Variants in GFRA1 observed in about 807,000 individuals in gnomAD.
GFRA1 encodes the protein GDNF family receptor alpha-1.
GFRA1 carries 16 observed loss-of-function variants against 51.6 expected under a neutral mutation model. That is an observed-to-expected ratio of 0.31 (90% CI 0.21 to 0.47). GFRA1 has a LOEUF of 0.47. Among genes scored for constraint, GFRA1 ranks in the 20% least tolerant of loss-of-function variants. The probability of loss-of-function intolerance (pLI) is 1.00; values close to 1 mark genes in which losing one functional copy is unlikely to be tolerated. For missense variants in GFRA1, 530 were observed against 594.3 expected (o/e 0.89, Z 1.13); for synonymous variants, 270 against 241.3 (o/e 1.12, Z -1.10).
At chr10:116,110,089 G>C (rs1018399198) in intron 6 of GFRA1, among the ~76,000 whole-genome samples, 5 of 152,238 alleles carry the variant, frequency 3.3e-5, no homozygotes, top group African/African-American at 1.2e-4. Context: ...AGGCAGGGAT[G>C]CAGCAGGTGT....
intron 4 of GFRA1, among the ~76,000 whole-genome samples, chr10:116,243,206 A>G (rs1453634396): frequency 2.0e-5 from 3 of 152,214 alleles, no homozygotes; most frequent in Admixed American, 6.5e-5. Flanking sequence ...ACTAACTCCA[A>G]TGCAGCCCCA....
At chr10:116,192,458 C>T (rs1565640130) in intron 5 of GFRA1, among the ~76,000 whole-genome samples, 3 of 152,312 alleles carry the variant, frequency 2.0e-5, no homozygotes, top group South Asian at 4.2e-4. Flanking sequence ...AGAGGCCCCA[C>T]TTTCGGGGTC....
At chr10:116,112,350 G>A (rs572162352) in intron 6 of GFRA1, among the ~76,000 whole-genome samples, 43 of 152,202 alleles carry the variant, frequency 2.8e-4, no homozygotes, top group African/African-American at 8.7e-4. Context: ...CCAGCTTGCC[G>A]GCTTTTCCGA....
chr10:116,133,164 C>A (rs1958176961), intron 5 of GFRA1, among the ~76,000 whole-genome samples: 1 of 152,126 alleles, frequency 6.6e-6, no homozygotes, highest in African/African-American at 2.4e-5. Context: ...TGGGGGAGTG[C>A]ATATGCGAGT....
At chr10:116,114,367 G>A (rs1016059793) in intron 6 of GFRA1, among the ~76,000 whole-genome samples, 2 of 152,160 alleles carry the variant, frequency 1.3e-5, no homozygotes, top group African/African-American at 4.8e-5. Flanking sequence ...AAATGTTCTT[G>A]AGATGACACA....
At chr10:116,087,901 G>A (rs1252615175) in intron 9 of GFRA1, among the ~76,000 whole-genome samples, 1 of 152,170 alleles carries the variant, frequency 6.6e-6, no homozygotes, top group Non-Finnish European at 1.5e-5. Flanking sequence ...GCAGTTCCAC[G>A]CCATAGTATT....
intron 5 of GFRA1, among the ~76,000 whole-genome samples, chr10:116,169,272 T>C (rs1017857804): frequency 3.3e-5 from 5 of 152,370 alleles, no homozygotes; most frequent in Non-Finnish European, 5.9e-5. Context: ...AGATCTTAAA[T>C]GTTAAAACAT....
intron 4 of GFRA1, among the ~76,000 whole-genome samples, chr10:116,262,135 A>G (rs1398364768): frequency 6.6e-6 from 1 of 152,232 alleles, no homozygotes; most frequent in African/African-American, 2.4e-5. Context: ...GACTAAGAAG[A>G]AGGAATGAGG....
intron 9 of GFRA1, among the ~76,000 whole-genome samples, chr10:116,077,749 A>C (rs909040751): frequency 2.0e-5 from 3 of 152,230 alleles, no homozygotes; most frequent in African/African-American, 7.2e-5. Context: ...GAAGCTGGCA[A>C]TATGATAACA....
intron 9 of GFRA1, 55 bp from the exon 10 acceptor site, chr10:116,065,681 G>A (rs1955073020): frequency 7.2e-7 from 1 of 1,393,658 alleles, no homozygotes; most frequent in Non-Finnish European, 1.0e-6. Context: ...AGTAATTACT[G>A]ATGATCCATC....
intron 9 of GFRA1, among the ~76,000 whole-genome samples, chr10:116,073,897 T>C (rs1039403238): frequency 6.6e-6 from 1 of 152,180 alleles, no homozygotes; most frequent in Non-Finnish European, 1.5e-5. Context: ...ACCAGGGGCT[T>C]TTGTTCATCC....
intron 4 of GFRA1, among the ~76,000 whole-genome samples, chr10:116,225,143 T>C (rs1379684792): frequency 1.3e-5 from 2 of 152,152 alleles, no homozygotes; most frequent in East Asian, 1.9e-4. Flanking sequence ...AATTGTAATA[T>C]GATCTAAGTA....
Position 116,096,680 on chromosome 10 carries a change from G to A in GFRA1, c.855C>T (p.Cys285=). ...SSCLKENYAD[C]LLAYSGLIGT... ...CAATAAGCCCCGAGTAGGCGAGGAG[G>A]CAGTCAGCGTAGTTTTCCTTTAGAC... The change falls in exon 7 of 11, where the codon TGC becomes TGT. Residue 285 remains cysteine (C), a synonymous_variant. Coordinates refer to ENST00000355422, the MANE Select transcript of GFRA1 (RefSeq NM_005264.8). 1 of 1,604,092 alleles carries A rather than the reference G, an allele frequency of 6.2e-7. No homozygotes were observed. The highest frequency in any genetic ancestry group is 8.5e-7 in the Non-Finnish European group (1 of 1,171,174).
intron 5 of GFRA1, among the ~76,000 whole-genome samples, chr10:116,158,720 C>G (rs1349358471): frequency 6.6e-6 from 1 of 152,222 alleles, no homozygotes; most frequent in East Asian, 1.9e-4. Context: ...GAGATTCTCC[C>G]CACTGCAAGA....
chr10:116,272,330 C>G lies in GFRA1; in HGVS notation c.-246-55G>C, dbSNP rs965417862. The G allele has an allele frequency of 2.3e-5, 12 of 522,582 alleles. No homozygotes were observed. The highest frequency in any genetic ancestry group is 2.0e-4 in the East Asian group (6 of 29,646). The allele number at this position is 522,582 out of a possible 1,614,324, so 32.4% of individuals were successfully genotyped here. A position where few individuals can be genotyped will look rare whatever the true frequency, so the allele number is the denominator to read the frequency against. On this transcript the variant is annotated intron_variant, in intron 1 of 10. Coordinates refer to ENST00000355422, the MANE Select transcript of GFRA1 (RefSeq NM_005264.8). The surrounding 1 kb of genome is among the most constrained non-coding windows in gnomAD (Gnocchi z 4.4). ...AGCGGAGAGCGCCGGAGACTCCCCCCACAGAACCCTCTCCCCTCCCCCGTT... is the reference window on the plus strand; with the variant it reads ...AGCGGAGAGCGCCGGAGACTCCCCCGACAGAACCCTCTCCCCTCCCCCGTT...
intron 9 of GFRA1, 22 bp downstream of exon 9, chr10:116,089,719 G>A (rs1282065308): frequency 2.5e-6 from 4 of 1,608,028 alleles, no homozygotes; most frequent in East Asian, 2.2e-5. Flanking sequence ...GCCCCAGCAA[G>A]GAATCTGGAC....
chr10:116,069,531 A>T (rs1159761927), intron 9 of GFRA1, among the ~76,000 whole-genome samples: 1 of 152,150 alleles, frequency 6.6e-6, no homozygotes, highest in Non-Finnish European at 1.5e-5. Context: ...TTGCTCTCAT[A>T]TTATAAAAGT....
At chr10:116,132,595 C>T (rs1958148414) in intron 5 of GFRA1, among the ~76,000 whole-genome samples, 1 of 151,720 alleles carries the variant, frequency 6.6e-6, no homozygotes, top group Admixed American at 6.6e-5. Context: ...CTAACTTAGT[C>T]CCTCACAAAT....
chr10:116,137,994 G>A (rs902721265), intron 5 of GFRA1, among the ~76,000 whole-genome samples: 1 of 152,040 alleles, frequency 6.6e-6, no homozygotes, highest in Non-Finnish European at 1.5e-5. Flanking sequence ...GTAGAGATGG[G>A]GTTTCTCCAC....
Sources: allele counts gnomAD v4.1 joint callset (sites outside exome capture counted in the v4.1 genomes callset), GRCh38; gene constraint gnomAD v4.1.1; non-coding constraint Gnocchi (gnomAD v3.1); transcripts MANE v1.5; gene names NCBI Gene and HGNC (gene_info 2026-07-23, HGNC 2026-07-21).